Variants in WDR93 observed in about 807,000 individuals in gnomAD.
The protein encoded by WDR93 is WD repeat-containing protein 93.
WDR93 carries 73 observed loss-of-function variants against 82.9 expected under a neutral mutation model. The ratio of observed to expected loss-of-function variants is 0.88; its 90% CI spans 0.73 to 1.07. The LOEUF is 1.07. Among genes scored for constraint, WDR93 ranks in the 50% least tolerant of loss-of-function variants. The probability of loss-of-function intolerance (pLI) is 0.00; values close to 1 mark genes in which losing one functional copy is unlikely to be tolerated. For synonymous variants in WDR93, 283 were observed against 300.1 expected (o/e 0.94, Z 0.59); for missense variants, 738 against 826.0 (o/e 0.89, Z 1.31).
At chr15:89,701,574 C>G (rs967634207) in intron 1 of WDR93, 133 bp from the exon 2 acceptor site, 1 of 744,680 alleles carries the variant, frequency 1.3e-6, no homozygotes, top group African/African-American at 1.7e-5. Flanking sequence ...GGTAATAGTC[C>G]TCTGGTAATT....
chr15:89,734,303 T>C (rs763410754), intron 13 of WDR93, among the ~76,000 whole-genome samples: 1 of 152,192 alleles, frequency 6.6e-6, no homozygotes, highest in Non-Finnish European at 1.5e-5. Flanking sequence ...TCACCTGGGC[T>C]CTCAAATGTG....
intron 4 of WDR93, among the ~76,000 whole-genome samples, chr15:89,707,702 T>G (rs1456958976): frequency 2.0e-5 from 3 of 152,204 alleles, no homozygotes; most frequent in African/African-American, 7.2e-5. Context: ...GCACTGCTGG[T>G]GGTAAAGTAT....
At chr15:89,731,753 T>C (rs1342839979) in intron 12 of WDR93, among the ~76,000 whole-genome samples, 191 bp downstream of exon 12, 1 of 152,224 alleles carries the variant, frequency 6.6e-6, no homozygotes, top group Non-Finnish European at 1.5e-5. Context: ...TATGTGCTAA[T>C]GCTTCCCACT....
In WDR93 at chr15:89,722,133, G is replaced by A; in HGVS notation, c.874G>A (p.Val292Ile). The change falls in exon 8 of 17, where the codon GTT becomes ATT. Residue 292 changes from valine (V) to isoleucine (I), a missense_variant. By Grantham distance (29) the Val-to-Ile change is conservative. Transcript: ENST00000268130. ...YIMKIKPPKP[V>I]TGTTFKSPLE... is the part of the protein sequence containing the mutation. ...AATGAAGATCAAACCACCTAAGCCT[G>A]TTACAGGTAAGTGTGATTCAAATCT... 6.3e-7 allele frequency: 1 copy of A among 1,599,996 alleles called. No homozygotes were observed. Among genetic ancestry groups the A allele is most frequent in the South Asian group, 1.1e-5 (1 of 88,664 alleles).
intron 7 of WDR93, among the ~76,000 whole-genome samples, chr15:89,720,863 A>G (rs1966496354): frequency 6.6e-6 from 1 of 152,084 alleles, no homozygotes; most frequent in African/African-American, 2.4e-5. Flanking sequence ...TTCCTTTTAT[A>G]TCCTTACTAT....
In WDR93 at chr15:89,733,067, A is replaced by G. The variant is rs1304341628; in HGVS notation, c.1392A>G (p.Leu464=). ...GTTTCTGCCAAAGCATTCACTTCCTAAAATATTTCTCGGTCCACAAAGGAC... is the reference window on the plus strand; with the variant it reads ...GTTTCTGCCAAAGCATTCACTTCCTGAAATATTTCTCGGTCCACAAAGGAC... ...QGCFCQSIHF[L]KYFSVHKGQN... Residue 464 remains leucine (L), a synonymous_variant, in exon 13 of 17, where the codon CTA becomes CTG. Coordinates refer to ENST00000268130, the MANE Select transcript of WDR93 (RefSeq NM_020212.2). 2 of 1,614,198 alleles carry G rather than the reference A, an allele frequency of 1.2e-6. No homozygotes were observed. The highest frequency in any genetic ancestry group is 1.6e-4 in the Middle Eastern group (1 of 6,062).
chr15:89,712,704 C>G (rs990134481), intron 5 of WDR93, among the ~76,000 whole-genome samples: 1 of 152,172 alleles, frequency 6.6e-6, no homozygotes. Flanking sequence ...ACTGCTAATA[C>G]TAACCTTGAT....
At chr15:89,742,680 C>T (rs573997449) in intron 16 of WDR93, among the ~76,000 whole-genome samples, 4 of 152,266 alleles carry the variant, frequency 2.6e-5, no homozygotes, top group Admixed American at 6.5e-5. Flanking sequence ...ATTACAGGCA[C>T]GTGCCACCAC....
At chr15:89,728,971 C>T (rs1308507528) in intron 9 of WDR93, 52 bp from the exon 10 acceptor site, 7 of 1,513,688 alleles carry the variant, frequency 4.6e-6, no homozygotes, top group Admixed American at 3.3e-5. Context: ...GCCAGCAGCT[C>T]TCCTTGCCAG....
intron 3 of WDR93, chr15:89,704,785 A>C (rs1396885887): frequency 6.6e-6 from 1 of 152,258 alleles, no homozygotes; most frequent in Non-Finnish European, 1.5e-5. Flanking sequence ...ACATTATACT[A>C]GTTGGTTTCA....
At chr15:89,731,597 G>T in intron 12 of WDR93, 35 bp downstream of exon 12, 1 of 1,612,828 alleles carries the variant, frequency 6.2e-7, no homozygotes. Context: ...TAGTACCTGG[G>T]TGGGACTCTG....
chr15:89,741,998 G>A (rs981441198), intron 16 of WDR93, among the ~76,000 whole-genome samples: 2 of 152,142 alleles, frequency 1.3e-5, no homozygotes, highest in South Asian at 2.1e-4. Context: ...TGATCCACCC[G>A]CCTTGGCCTC....
At chr15:89,694,328 G>T (rs1173029405) in intron 1 of WDR93, among the ~76,000 whole-genome samples, 2 of 145,468 alleles carry the variant, frequency 1.4e-5, no homozygotes, top group Admixed American at 1.4e-4. Context: ...TCGGCTCACT[G>T]GTTTCACACC....
upstream of WDR93, chr15:89,690,616 C>T (rs373673442): frequency 1.7e-5 from 26 of 1,551,272 alleles, no homozygotes; most frequent in South Asian, 1.5e-4. Context: ...GTTGGTGAAG[C>T]GGGTGAAGGC....
At chr15:89,701,349 G>A (rs992128779) in intron 1 of WDR93, among the ~76,000 whole-genome samples, 5 of 152,156 alleles carry the variant, frequency 3.3e-5, no homozygotes, top group Non-Finnish European at 5.9e-5. Context: ...CCTGGCTTGG[G>A]CACAGCCATC....
At chr15:89,704,526 G>A (rs941952984) in intron 3 of WDR93, 6 of 152,344 alleles carry the variant, frequency 3.9e-5, no homozygotes, top group African/African-American at 1.4e-4. Context: ...ATGCATATGG[G>A]TCAAGTAGTG....
At chr15:89,737,462 G>A (rs1242372356) in intron 14 of WDR93, 111 bp from the exon 15 acceptor site, 7 of 1,426,892 alleles carry the variant, frequency 4.9e-6, no homozygotes, top group Non-Finnish European at 6.7e-6. Flanking sequence ...GGCCCAAGAG[G>A]TTTTATGTCC....
In WDR93 at chr15:89,743,524, C is replaced by G; in HGVS notation, c.*133C>G. Reference sequence around the variant, plus strand: ...CTGCACTCGGAGTCTGGGGCCTCTGCAGAGCCAGCAAGGGGAAAAGTATAA... The same window carrying G: ...CTGCACTCGGAGTCTGGGGCCTCTGGAGAGCCAGCAAGGGGAAAAGTATAA... On this transcript the variant is annotated 3_prime_UTR_variant, in exon 17 of 17. Transcript: ENST00000268130. 1 of 775,066 alleles carries G rather than the reference C, an allele frequency of 1.3e-6. No individual in the cohort carries two copies. Among genetic ancestry groups the G allele is most frequent in the Non-Finnish European group, 2.1e-6 (1 of 482,766 alleles). 48.0% of individuals were successfully genotyped at this position (775,066 alleles called of 1,614,324 possible). A position where few individuals can be genotyped will look rare whatever the true frequency, so the allele number is the denominator to read the frequency against.
intron 1 of WDR93, among the ~76,000 whole-genome samples, chr15:89,692,765 C>T (rs980763817): frequency 2.0e-5 from 3 of 152,202 alleles, no homozygotes; most frequent in Non-Finnish European, 2.9e-5. Context: ...CGCCACCACG[C>T]ATGGCTGATT....
Sources: gnomAD v4.1 joint callset for allele counts (sites outside exome capture counted in the v4.1 genomes callset) on GRCh38, gnomAD v4.1.1 for gene constraint, MANE v1.5 for transcripts, NCBI Gene and HGNC (gene_info 2026-07-23, HGNC 2026-07-21) for gene names.